Variants in APBB2 observed in about 807,000 individuals in gnomAD.
APBB2 encodes the protein Fe65-like 1.
APBB2 carries 38 observed loss-of-function variants against 82.5 expected under a neutral mutation model. That is an observed-to-expected ratio of 0.46 (90% CI 0.36 to 0.60). APBB2 has a LOEUF of 0.60. Among genes scored for constraint, APBB2 ranks in the 20% least tolerant of loss-of-function variants. APBB2 has a pLI of 0.00. For missense variants in APBB2, 772 were observed against 972.3 expected (o/e 0.79, Z 2.74); for synonymous variants, 341 against 368.2 (o/e 0.93, Z 0.85).
intron 2 of APBB2, among the ~76,000 whole-genome samples, chr4:41,132,291 A>G (rs1490393102): frequency 2.6e-5 from 4 of 152,222 alleles, no homozygotes; most frequent in African/African-American, 9.6e-5. Context: ...TGAAGAGTTA[A>G]GCAGCTATTG....
intron 12 of APBB2, among the ~76,000 whole-genome samples, chr4:40,839,202 C>T (rs979243553): frequency 2.6e-5 from 4 of 152,002 alleles, no homozygotes; most frequent in African/African-American, 7.3e-5. Context: ...CTCAGCCTCC[C>T]AAGTAGCTGG....
intron 4 of APBB2, among the ~76,000 whole-genome samples, chr4:41,056,516 C>T (rs1197292862): frequency 6.6e-6 from 1 of 152,204 alleles, no homozygotes; most frequent in East Asian, 1.9e-4. Context: ...TTCCCCTCCT[C>T]TAAACTGCTT....
At chr4:41,174,626 T>C (rs928764360) in intron 1 of APBB2, among the ~76,000 whole-genome samples, 6 of 152,182 alleles carry the variant, frequency 3.9e-5, no homozygotes, top group Admixed American at 3.9e-4. Flanking sequence ...CCATTAGACA[T>C]GGTTGCATCA....
rs550965725 is a variant in APBB2 at position 40,976,564 on chromosome 4, T to C, written c.836-31491A>G. Among the ~76,000 whole-genome samples, 29 of 152,280 alleles carry C rather than the reference T, an allele frequency of 1.9e-4. 1 individual carries two copies. The East Asian group carries it at 4.8e-3, about 25-fold the overall frequency. On this transcript the variant is annotated intron_variant, in intron 6 of 17. Coordinates refer to ENST00000508593, the MANE Select transcript of APBB2 (RefSeq NM_004307.2). ...TTCCAACTTTTAAAAATTAGTAAAGTGCCTAGAGATTAAACAGCAGTTAAA... is the reference window on the plus strand; with the variant it reads ...TTCCAACTTTTAAAAATTAGTAAAGCGCCTAGAGATTAAACAGCAGTTAAA...
chr4:41,177,715 G>A (rs571313822), intron 1 of APBB2: 12 of 152,318 alleles, frequency 7.9e-5, no homozygotes, highest in Admixed American at 3.3e-4. Context: ...CAATATGGTT[G>A]AATAACATGG....
At chr4:40,927,289 C>T (rs1782857208) in intron 10 of APBB2, among the ~76,000 whole-genome samples, 1 of 152,148 alleles carries the variant, frequency 6.6e-6, no homozygotes. Flanking sequence ...ACGTGTTATA[C>T]ACTGAGACAG....
At chr4:40,857,279 TAGGTGCTCCCGCC>T in intron 12 of APBB2, 1 of 633,194 alleles carries the variant, frequency 1.6e-6, no homozygotes, top group South Asian at 6.9e-5. Context: ...GTGCTCCCGC[TAGGTGCTCCCGCC>T]AGATGCTCCA....
intron 5 of APBB2, among the ~76,000 whole-genome samples, chr4:41,030,737 A>G (rs778965473): frequency 1.4e-4 from 21 of 152,314 alleles, no homozygotes; most frequent in Non-Finnish European, 3.1e-4. Context: ...AAGAAATGTC[A>G]CATATTTTCT....
intron 10 of APBB2, among the ~76,000 whole-genome samples, chr4:40,898,515 T>C (rs949003274): frequency 1.9e-4 from 29 of 152,166 alleles, no homozygotes; most frequent in Non-Finnish European, 3.7e-4. Flanking sequence ...TCCACCCACC[T>C]TGGCCTCCCA....
chr4:40,953,547 C>T (rs1790799378), intron 6 of APBB2, among the ~76,000 whole-genome samples: 1 of 152,064 alleles, frequency 6.6e-6, no homozygotes, highest in Non-Finnish European at 1.5e-5. Flanking sequence ...AGAACACTTC[C>T]AACTCAGGCC....
chr4:41,104,900 G>C (rs1435585113), intron 2 of APBB2, among the ~76,000 whole-genome samples: 1 of 152,180 alleles, frequency 6.6e-6, no homozygotes. Context: ...CCAGTCCACT[G>C]TCAAGGGGCA....
chr4:41,049,490 C>A (rs1398277437), intron 4 of APBB2, among the ~76,000 whole-genome samples: 19,090 of 109,336 alleles, frequency 0.17, 1,848 homozygotes, highest in African/African-American at 0.2. Context: ...CGGCCAGCCG[C>A]CCCGTCCGGG....
intron 1 of APBB2, among the ~76,000 whole-genome samples, chr4:41,165,487 CTCT>C (rs1049229985): frequency 1.3e-4 from 20 of 152,266 alleles, no homozygotes; most frequent in African/African-American, 4.3e-4. Context: ...TTTTCTCTCT[CTCT>C]TCTTATCTCT....
chr4:41,052,752 A>T (rs1726457303), intron 4 of APBB2, among the ~76,000 whole-genome samples: 1 of 148,882 alleles, frequency 6.7e-6, no homozygotes, highest in Admixed American at 6.7e-5. Flanking sequence ...CTTTGGGACA[A>T]TTTTTCTTTC....
At chr4:41,043,996 G>A (rs1042081022) in intron 4 of APBB2, among the ~76,000 whole-genome samples, 1 of 152,136 alleles carries the variant, frequency 6.6e-6, no homozygotes, top group African/African-American at 2.4e-5. Flanking sequence ...AGTCTGTGGT[G>A]GTATGATCTT....
Position 40,868,028 on chromosome 4 carries a change from A to AT in APBB2, c.1529+22335dup, listed in dbSNP as rs35501177. 9.4e-3 allele frequency among the ~76,000 whole-genome samples: 1,383 copies of AT among 147,056 alleles called. 7 individuals carry two copies. Among genetic ancestry groups the AT allele is most frequent in the African/African-American group, 0.022 (867 of 40,002 alleles). Reference sequence around the variant, plus strand: ...GTCTACAGGTATACCGTGCCTGGCTATTTTTTTTTTTTAGAGATGGGGTCT... The same window carrying AT: ...GTCTACAGGTATACCGTGCCTGGCTATTTTTTTTTTTTTAGAGATGGGGTCT... On this transcript the variant is annotated intron_variant, in intron 12 of 17. Coordinates refer to ENST00000508593, the MANE Select transcript of APBB2 (RefSeq NM_004307.2).
intron 2 of APBB2, among the ~76,000 whole-genome samples, chr4:41,124,994 A>G (rs925815538): frequency 1.3e-5 from 2 of 152,222 alleles, no homozygotes; most frequent in Non-Finnish European, 2.9e-5. Flanking sequence ...AAATTCCAGG[A>G]TAATGTTTTA....
At chr4:40,870,843 C>T (rs571827686) in intron 12 of APBB2, among the ~76,000 whole-genome samples, 2 of 151,796 alleles carry the variant, frequency 1.3e-5, no homozygotes, top group South Asian at 4.2e-4. Context: ...AGCGATTCTC[C>T]TGCCTCAGCC....
intron 1 of APBB2, among the ~76,000 whole-genome samples, chr4:41,186,182 G>C (rs1772843393): frequency 6.6e-6 from 1 of 151,892 alleles, no homozygotes; most frequent in Admixed American, 6.6e-5. Context: ...GCAGCCTCAG[G>C]GTACAAATGC....
Sources: allele counts gnomAD v4.1 joint callset (sites outside exome capture counted in the v4.1 genomes callset), GRCh38; gene constraint gnomAD v4.1.1; transcripts MANE v1.5; gene names NCBI Gene and HGNC (gene_info 2026-07-23, HGNC 2026-07-21).